The following PDK2 variants were observed in gnomAD, a reference collection of about 807,000 sequenced individuals.
The protein encoded by PDK2 is pyruvate dehydrogenase kinase, isozyme 2.
A neutral mutation model predicts 50.4 loss-of-function variants in PDK2; 34 were observed. That is an observed-to-expected ratio of 0.68 (90% confidence interval 0.51 to 0.90). The LOEUF (loss-of-function observed/expected upper bound fraction) is 0.90, where lower values mean the gene tolerates loss of function less well. Ranked by LOEUF, PDK2 falls within the 40% of genes least tolerant of loss-of-function variation. The pLI is 0.00. For synonymous variants in PDK2, 232 were observed against 216.0 expected, an observed-to-expected ratio of 1.07 and a Z score of -0.65; for missense variants, 377 against 544.5, an observed-to-expected ratio of 0.69 and a Z score of 3.06.
chr17:50,109,183 A>G lies in PDK2; in HGVS notation c.970-104A>G. ...CCCTCCCAGCTCTGGGACCCCTGCC[A>G]TGTGACCCCAGCTCCACACCCTTCC... is the stretch of plus-strand genomic sequence containing the variant. On this transcript the variant is annotated intron_variant, in intron 9 of 10. Transcript: ENST00000503176. This position sits in a 1 kb window ranked among gnomAD's most constrained non-coding sequence, Gnocchi z 5.0. The G allele has an allele frequency of 4.6e-6, 3 of 658,636 alleles. No individual in the cohort carries two copies. In the South Asian group the frequency reaches 5.5e-5, roughly 12 times the overall value. 40.8% of individuals were successfully genotyped at this position (658,636 alleles called of 1,614,324 possible). A position where few individuals can be genotyped will look rare whatever the true frequency, so the allele number is the denominator to read the frequency against.
chr17:50,110,291 T>A lies in PDK2; in HGVS notation c.*194T>A. On this transcript the variant is annotated 3_prime_UTR_variant, in exon 11 of 11. Transcript: ENST00000503176. ...GCCAGTCCATCTCTGTGGAGACCCC[T>A]CGGTGGCCTCCCTATCTCTGTGGGC... 2.1e-6 allele frequency: 1 copy of A among 486,034 alleles called. No individual in the cohort carries two copies. Among genetic ancestry groups the A allele is most frequent in the Non-Finnish European group, 3.4e-6 (1 of 291,536 alleles). 30.1% of individuals were successfully genotyped at this position (486,034 alleles called of 1,614,324 possible). A position where few individuals can be genotyped will look rare whatever the true frequency, so the allele number is the denominator to read the frequency against.
At chr17:50,095,854 G>A in intron 1 of PDK2, 1 of 1,055,950 alleles carries the variant, frequency 9.5e-7, no homozygotes, top group Non-Finnish European at 1.2e-6. Flanking sequence ...GAAGGGAGTA[G>A]GGTGGTATCC....
Position 50,108,151 on chromosome 17 carries a change from T to C in PDK2, c.686-5T>C, listed in dbSNP as rs1379869769. 2.5e-5 allele frequency: 40 copies of C among 1,587,100 alleles called. No individual in the cohort carries two copies. In the East Asian group the frequency reaches 8.3e-4, roughly 33 times the overall value. On this transcript the variant is annotated splice_polypyrimidine_tract_variant and splice_region_variant and intron_variant, in intron 6 of 10. Transcript: ENST00000503176. ...CCTGACCCTTGGTCTTGACTTGCCC[T>C]GTAGCAGCCAACTCCAAACAGCCGA... is the stretch of plus-strand genomic sequence containing the variant.
At chr17:50,104,212 A>G (rs990790639) in intron 2 of PDK2, 1 of 151,678 alleles carries the variant, frequency 6.6e-6, no homozygotes, top group African/African-American at 2.4e-5. Flanking sequence ...GGTGGACCTG[A>G]CTCCCTTGCA....
chr17:50,109,402 T>C lies in PDK2; in HGVS notation c.1083+2T>C, dbSNP rs1314964750. On this transcript the variant is annotated splice_donor_variant, in intron 10 of 10. Transcript: ENST00000503176. LOFTEE classifies it high-confidence loss of function. The surrounding 1 kb of genome is among the most constrained non-coding windows in gnomAD (Gnocchi z 5.0). ...ACCGATGCTGTCATCTATCTCAAGGTGAGGGCCCTTCCCGCAGAGCCCAGC... is the reference window on the plus strand; with the variant it reads ...ACCGATGCTGTCATCTATCTCAAGGCGAGGGCCCTTCCCGCAGAGCCCAGC... 1 of 1,590,330 alleles carries C rather than the reference T, an allele frequency of 6.3e-7. No individual in the cohort carries two copies. Among genetic ancestry groups the C allele is most frequent in the Non-Finnish European group, 8.6e-7 (1 of 1,160,734 alleles).
At chr17:50,106,761 C>A (rs1012282885) in intron 4 of PDK2, 33 bp from the exon 5 acceptor site, 1 of 1,586,194 alleles carries the variant, frequency 6.3e-7, no homozygotes. Context: ...AGACTGCAGC[C>A]CAGCCAACAG....
rs1910481869 is a variant in PDK2 at position 50,105,873 on chromosome 17, C to T, written c.333-12C>T. The T allele has an allele frequency of 6.2e-7, 1 of 1,612,054 alleles. No individual in the cohort carries two copies. Among genetic ancestry groups the T allele is most frequent in the Non-Finnish European group, 8.5e-7 (1 of 1,179,096 alleles). ...GGGGGTGTCCCATGTGAACATCTGC[C>T]CTGCCCCACAGGTTCACTGACGCCC... On this transcript the variant is annotated splice_polypyrimidine_tract_variant and intron_variant, in intron 3 of 10. Transcript: ENST00000503176.
At chr17:50,107,532 G>C (rs1207543737) in intron 6 of PDK2, among the ~76,000 whole-genome samples, 1 of 152,232 alleles carries the variant, frequency 6.6e-6, no homozygotes, top group Non-Finnish European at 1.5e-5. Context: ...CGTGAGCTGA[G>C]ATGCTACCAC....
intron 9 of PDK2, among the ~76,000 whole-genome samples, 196 bp downstream of exon 9, chr17:50,108,915 T>C (rs1910667855): frequency 6.6e-6 from 1 of 151,966 alleles, no homozygotes; most frequent in Non-Finnish European, 1.5e-5. Context: ...CTGTCACCTT[T>C]CCTCCATCTT....
At chr17:50,105,171 T>G (rs536871221) in intron 2 of PDK2, 200 bp from the exon 3 acceptor site, 1 of 474,038 alleles carries the variant, frequency 2.1e-6, no homozygotes, top group African/African-American at 2.0e-5. Context: ...ATTTGAAGTT[T>G]TCTTGCATAA....
At chr17:50,106,957 G>A (rs1910550778) in intron 5 of PDK2, 74 bp downstream of exon 5, 2 of 1,485,980 alleles carry the variant, frequency 1.3e-6, no homozygotes, top group African/African-American at 2.8e-5. Flanking sequence ...GCCAGAGGGT[G>A]ACTCGTTCCT....
At chr17:50,104,806 G>C (rs1357229934) in intron 2 of PDK2, among the ~76,000 whole-genome samples, 4 of 152,234 alleles carry the variant, frequency 2.6e-5, no homozygotes, top group Non-Finnish European at 5.9e-5. Context: ...TGCCGAGGCA[G>C]GTGCCTGGCC....
chr17:50,109,521 G>C lies in PDK2; in HGVS notation c.1083+121G>C, dbSNP rs1910711145. 1 of 592,656 alleles carries C rather than the reference G, an allele frequency of 1.7e-6. No homozygotes were observed. Among genetic ancestry groups the C allele is most frequent in the Middle Eastern group, 3.2e-4 (1 of 3,152 alleles). The allele number at this position is 592,656 out of a possible 1,614,324, so 36.7% of individuals were successfully genotyped here. A position where few individuals can be genotyped will look rare whatever the true frequency, so the allele number is the denominator to read the frequency against. ...CAGTCCTTCCCTGGCCCCAGACTCT[G>C]AGAATCCAAGCAAAGCTACAGTTCC... On this transcript the variant is annotated intron_variant, in intron 10 of 10. Coordinates refer to ENST00000503176, the MANE Select transcript of PDK2 (RefSeq NM_002611.5). This position sits in a 1 kb window ranked among gnomAD's most constrained non-coding sequence, Gnocchi z 5.0.
At position 50,109,489 on chromosome 17, in the gene PDK2, A is replaced by C; in HGVS notation, c.1083+89A>C. 2.8e-6 allele frequency: 2 copies of C among 716,052 alleles called. No individual in the cohort carries two copies. The highest frequency in any genetic ancestry group is 4.6e-6 in the Non-Finnish European group (2 of 436,858). The allele number at this position is 716,052 out of a possible 1,614,324, so 44.4% of individuals were successfully genotyped here. On this transcript the variant is annotated intron_variant, in intron 10 of 10. Coordinates refer to ENST00000503176, the MANE Select transcript of PDK2 (RefSeq NM_002611.5). The surrounding 1 kb of genome is among the most constrained non-coding windows in gnomAD (Gnocchi z 5.0). The stretch of plus-strand genomic sequence containing the variant: ...TGGCCAGCTGCGAGCTTTCCTTTCC[A>C]TCCCCCCAGTCCTTCCCTGGCCCCA...
chr17:50,109,454 T>C lies in PDK2; in HGVS notation c.1083+54T>C. The C allele has an allele frequency of 3.4e-6, 4 of 1,174,814 alleles. No individual in the cohort carries two copies. The highest frequency in any genetic ancestry group is 4.9e-6 in the Non-Finnish European group (4 of 811,894). The allele number at this position is 1,174,814 out of a possible 1,614,324, so 72.8% of individuals were successfully genotyped here. On this transcript the variant is annotated intron_variant, in intron 10 of 10. Transcript: ENST00000503176. The surrounding 1 kb of genome is among the most constrained non-coding windows in gnomAD (Gnocchi z 5.0). Reference sequence around the variant, plus strand: ...GGAGAAGAGCTTTGCTGATAGGACCTGGGCAGCCTTGGCCAGCTGCGAGCT... The same window carrying C: ...GGAGAAGAGCTTTGCTGATAGGACCCGGGCAGCCTTGGCCAGCTGCGAGCT...
At position 50,108,567 on chromosome 17, in the gene PDK2, G is replaced by A. The variant is rs867389985; in HGVS notation, c.862-45G>A. 2.0e-6 allele frequency: 3 copies of A among 1,505,942 alleles called. No homozygotes were observed. In the African/African-American group the frequency reaches 4.1e-5, roughly 21 times the overall value. 93.3% of individuals were successfully genotyped at this position (1,505,942 alleles called of 1,614,324 possible). On this transcript the variant is annotated intron_variant, in intron 8 of 10. Transcript: ENST00000503176. ...GGTCAGGGGTATTGGGCGGGGTGGG[G>A]AAAATGAGCTGTAAAGAATCCCTGA...
At chr17:50,096,308 C>T (rs763589908) in intron 1 of PDK2, 2 of 985,254 alleles carry the variant, frequency 2.0e-6, no homozygotes, top group Non-Finnish European at 2.4e-6. Context: ...CCACTACCAG[C>T]AACCTGGGGG....
In PDK2 at chr17:50,108,209, C is replaced by G; in HGVS notation, c.739C>G (p.His247Asp). ...GGTCTACGTCCCCTCCCACCTCTAC[C>G]ACATGCTCTTTGAGCTCTTCAAGGT... ...HMVYVPSHLY[H>D]MLFELFKNAM... The change falls in exon 7 of 11, where the codon CAC (histidine) becomes GAC (aspartate). Residue 247 changes from histidine to aspartate, a missense_variant. Physicochemically the swap from His to Asp is moderately conservative, Grantham distance 81. Coordinates refer to ENST00000503176, the MANE Select transcript of PDK2 (RefSeq NM_002611.5). The G allele has an allele frequency of 6.3e-7, 1 of 1,599,030 alleles. No individual in the cohort carries two copies. The highest frequency in any genetic ancestry group is 8.5e-7 in the Non-Finnish European group (1 of 1,171,616).
At chr17:50,096,764 C>CA (rs1909970662) in intron 1 of PDK2, among the ~76,000 whole-genome samples, 1 of 152,206 alleles carries the variant, frequency 6.6e-6, no homozygotes, top group South Asian at 2.1e-4. Context: ...GCCTGGGTGA[C>CA]AGAGTTGGAA....
Sources: allele counts gnomAD v4.1 joint callset (sites outside exome capture counted in the v4.1 genomes callset), GRCh38; gene constraint gnomAD v4.1.1; non-coding constraint Gnocchi (gnomAD v3.1); transcripts MANE v1.5; gene names NCBI Gene and HGNC (gene_info 2026-07-23, HGNC 2026-07-21).